CACHD1: variants seen among roughly 807,000 people sequenced by gnomAD.
CACHD1 encodes VWFA and cache domain-containing protein 1.
CACHD1 carries 71 observed loss-of-function variants against 138.7 expected under a neutral mutation model. That is an observed-to-expected ratio of 0.51 (90% CI 0.42 to 0.62). The LOEUF is 0.62. CACHD1 is among the 20% of genes least tolerant of loss of function. The probability of loss-of-function intolerance (pLI) is 0.00; values close to 1 mark genes in which losing one functional copy is unlikely to be tolerated. For missense variants in CACHD1, 1,389 were observed against 1,625.3 expected, an observed-to-expected ratio of 0.85 and a Z score of 2.50; for synonymous variants, 578 against 591.5, an observed-to-expected ratio of 0.98 and a Z score of 0.33.
intron 1 of CACHD1, among the ~76,000 whole-genome samples, chr1:64,507,354 C>G (rs1646385348): frequency 6.6e-6 from 1 of 152,214 alleles, no homozygotes; most frequent in South Asian, 2.1e-4. Context: ...GACTGCCCTA[C>G]CCATCTTTGC....
chr1:64,536,475 C>T (rs1020553476), intron 1 of CACHD1, among the ~76,000 whole-genome samples: 1 of 152,222 alleles, frequency 6.6e-6, no homozygotes, highest in Non-Finnish European at 1.5e-5. Flanking sequence ...TCCGTTCCAA[C>T]TGGCATTGAG....
In CACHD1 at chr1:64,520,839, G is replaced by A. The variant is rs577151050; in HGVS notation, c.199-29755G>A. On this transcript the variant is annotated intron_variant, in intron 1 of 26. Transcript: ENST00000651257. ...GTCTCTACTCCCCCTCTAATCAACT[G>A]TGTGAAATAGAGACTTGGCTCCATT... is the stretch of plus-strand genomic sequence containing the variant. Among the ~76,000 whole-genome samples the A allele has an allele frequency of 3.3e-5, 5 of 152,274 alleles. 1 individual carries two copies. Among genetic ancestry groups the A allele is most frequent in the Admixed American group, 2.0e-4 (3 of 15,298 alleles).
At chr1:64,640,786 G>T (rs1648686128) in intron 7 of CACHD1, among the ~76,000 whole-genome samples, 2 of 150,256 alleles carry the variant, frequency 1.3e-5, no homozygotes, top group Non-Finnish European at 2.9e-5. Context: ...AAGAATTACA[G>T]ATTAGGAAGA....
At chr1:64,645,081 A>G (rs1172726743) in intron 8 of CACHD1, among the ~76,000 whole-genome samples, 1 of 152,168 alleles carries the variant, frequency 6.6e-6, no homozygotes, top group African/African-American at 2.4e-5. Context: ...TGGGCAATAG[A>G]GTGATACTCT....
chr1:64,594,664 A>G (rs999627732), intron 3 of CACHD1, among the ~76,000 whole-genome samples: 1 of 152,190 alleles, frequency 6.6e-6, no homozygotes, highest in Admixed American at 6.5e-5. Flanking sequence ...AACCTGCCTC[A>G]CTGCTTACGC....
At chr1:64,512,472 T>A (rs2100352524) in intron 1 of CACHD1, among the ~76,000 whole-genome samples, 1 of 149,832 alleles carries the variant, frequency 6.7e-6, no homozygotes, top group African/African-American at 2.5e-5. Context: ...GCTCTTCCCC[T>A]TTTAACACTT....
At chr1:64,584,519 T>C (rs1206295925) in intron 3 of CACHD1, among the ~76,000 whole-genome samples, 2 of 152,218 alleles carry the variant, frequency 1.3e-5, no homozygotes, top group African/African-American at 4.8e-5. Context: ...ACAATTGCCC[T>C]TTCTTCATAG....
At chr1:64,636,551 G>T (rs1475561519) in intron 7 of CACHD1, among the ~76,000 whole-genome samples, 1 of 152,062 alleles carries the variant, frequency 6.6e-6, no homozygotes, top group Non-Finnish European at 1.5e-5. Context: ...TCATGCTAAG[G>T]TTCAACAAAC....
chr1:64,525,292 C>T (rs1646529613), intron 1 of CACHD1, among the ~76,000 whole-genome samples: 1 of 152,058 alleles, frequency 6.6e-6, no homozygotes, highest in Non-Finnish European at 1.5e-5. Flanking sequence ...TGTGATCCTC[C>T]AAGGGTTTAA....
intron 1 of CACHD1, among the ~76,000 whole-genome samples, chr1:64,536,959 A>G (rs922354560): frequency 1.3e-5 from 2 of 152,112 alleles, no homozygotes; most frequent in African/African-American, 4.8e-5. Flanking sequence ...GGTTTGGATA[A>G]TTTGTTCTGG....
intron 7 of CACHD1, among the ~76,000 whole-genome samples, chr1:64,636,447 A>C (rs1357391873): frequency 6.6e-6 from 1 of 152,182 alleles, no homozygotes; most frequent in Non-Finnish European, 1.5e-5. Flanking sequence ...TCCTCTGTTT[A>C]GGGTCTCACA....
At chr1:64,479,341 A>C (rs1646195741) in intron 1 of CACHD1, among the ~76,000 whole-genome samples, 1 of 152,194 alleles carries the variant, frequency 6.6e-6, no homozygotes, top group South Asian at 2.1e-4. Context: ...GCTTGGAGAA[A>C]GTGTCAGGGA....
Position 64,602,924 on chromosome 1 carries a change from A to G in CACHD1, c.517+12A>G. The G allele has an allele frequency of 1.3e-6, 2 of 1,529,602 alleles. No homozygotes were observed. The highest frequency in any genetic ancestry group is 1.8e-6 in the Non-Finnish European group (2 of 1,103,368). The allele number at this position is 1,529,602 out of a possible 1,614,324, so 94.8% of individuals were successfully genotyped here. On this transcript the variant is annotated intron_variant, in intron 4 of 26. Coordinates refer to ENST00000651257, the MANE Select transcript of CACHD1 (RefSeq NM_020925.4). ...AGACTTAAATTCAGGTCAGTAATCC[A>G]TTGGCTTTATAAAGATGAACTGTAT... is the stretch of plus-strand genomic sequence containing the variant.
At position 64,629,386 on chromosome 1, in the gene CACHD1, A is replaced by G. The variant is rs1648222184; in HGVS notation, c.549A>G (p.Gly183=). The change falls in exon 5 of 27, where the codon GGA becomes GGG. Residue 183 remains glycine, a synonymous_variant. Coordinates refer to ENST00000651257, the MANE Select transcript of CACHD1 (RefSeq NM_020925.4). ...VLADNLKSNP[G]IKWQYFSSEE... ...CAGACAACCTGAAATCCAACCCTGG[A>G]ATTAAGTGGCAATATTTCAGTTCAG... The G allele has an allele frequency of 6.2e-7, 1 of 1,613,920 alleles. No individual in the cohort carries two copies. The highest frequency in any genetic ancestry group is 8.5e-7 in the Non-Finnish European group (1 of 1,179,958).
At chr1:64,517,472 T>C (rs1235945049) in intron 1 of CACHD1, among the ~76,000 whole-genome samples, 5 of 152,122 alleles carry the variant, frequency 3.3e-5, no homozygotes, top group Non-Finnish European at 5.9e-5. Context: ...GCTGTGGGGT[T>C]GCAATGAAAT....
chr1:64,626,674 TC>T (rs1228472602), intron 4 of CACHD1, among the ~76,000 whole-genome samples: 1 of 152,182 alleles, frequency 6.6e-6, no homozygotes, highest in Non-Finnish European at 1.5e-5. Flanking sequence ...GGGTATGTTT[TC>T]AAGGTACATA....
intron 1 of CACHD1, among the ~76,000 whole-genome samples, chr1:64,477,222 C>A (rs923306866): frequency 1.3e-5 from 2 of 152,266 alleles, no homozygotes; most frequent in Non-Finnish European, 2.9e-5. Context: ...CATTTAGTGC[C>A]AGGGCACAGA....
intron 1 of CACHD1, among the ~76,000 whole-genome samples, chr1:64,514,021 CCTGT>C (rs1287875560): frequency 2.0e-5 from 3 of 152,160 alleles, no homozygotes; most frequent in African/African-American, 7.2e-5. Context: ...CTTCTCTCAT[CCTGT>C]CTCTTAAAAA....
intron 25 of CACHD1, among the ~76,000 whole-genome samples, chr1:64,681,541 GTTTTTTTTTTTTT>G (rs57993424): frequency 2.9e-5 from 2 of 68,132 alleles, no homozygotes; most frequent in Non-Finnish European, 5.3e-5. Flanking sequence ...ATTTTATTGT[GTTTTTTTTTTTTT>G]TTTTTTTTTT....
Sources: allele counts gnomAD v4.1 joint callset (sites outside exome capture counted in the v4.1 genomes callset), GRCh38; gene constraint gnomAD v4.1.1; transcripts MANE v1.5; gene names NCBI Gene and HGNC (gene_info 2026-07-23, HGNC 2026-07-21).